ZC3H12B: variants seen among roughly 807,000 people sequenced by gnomAD.
ZC3H12B encodes the protein zinc finger CCCH-type containing 12B.
In ZC3H12B, 7 loss-of-function variants were observed where a neutral mutation model predicts 43.9. That is an observed-to-expected ratio of 0.16 (90% CI 0.09 to 0.30). The LOEUF (loss-of-function observed/expected upper bound fraction) is 0.30. Among genes scored for constraint, ZC3H12B ranks in the 10% least tolerant of loss-of-function variants. The probability of loss-of-function intolerance (pLI) is 1.00; values close to 1 mark genes in which losing one functional copy is unlikely to be tolerated. For missense variants in ZC3H12B, 475 were observed against 670.2 expected (o/e 0.71, Z 3.22); for synonymous variants, 222 against 241.7 (o/e 0.92, Z 0.76).
chrX:65,340,721 C>G, the ZC3H12B span, among the ~76,000 whole-genome samples: 2 of 112,181 alleles, frequency 1.8e-5, no homozygotes, highest in African/African-American at 6.5e-5. Context: ...ATAGCAACTT[C>G]AAGTATTGAA....
At chrX:65,470,954 G>A (rs1194594118) in intron 3 of ZC3H12B, among the ~76,000 whole-genome samples, 2 of 111,784 alleles carry the variant, frequency 1.8e-5, no homozygotes, top group Non-Finnish European at 3.8e-5. Context: ...CTATCATATG[G>A]TCTATACTGA....
chrX:65,249,258 T>C, the ZC3H12B span, among the ~76,000 whole-genome samples: 390 of 112,221 alleles, frequency 3.5e-3, no homozygotes, highest in African/African-American at 0.012. Flanking sequence ...CTGTGTAAGG[T>C]GAGAGATGAG....
chrX:65,202,101 T>TACATATAATATATA, the ZC3H12B span, among the ~76,000 whole-genome samples: 1,750 of 88,736 alleles, frequency 0.02, 345 homozygotes, highest in African/African-American at 0.071. Context: ...ATATATATAT[T>TACATATAATATATA]TTATATAATA....
At chrX:65,498,493 TAGG>T (rs1211761370) in intron 2 of ZC3H12B, among the ~76,000 whole-genome samples, 3 of 111,941 alleles carry the variant, frequency 2.7e-5, no homozygotes, top group Admixed American at 9.5e-5. Context: ...CCTCGGCAAC[TAGG>T]AGACCAAAAG....
chrX:65,389,315 C>T (rs1312600806), intron 2 of ZC3H12B, among the ~76,000 whole-genome samples: 2 of 112,090 alleles, frequency 1.8e-5, no homozygotes, highest in East Asian at 2.8e-4. Context: ...CTTTGTTTAC[C>T]TACTCAAGCC....
the ZC3H12B span, among the ~76,000 whole-genome samples, chrX:65,290,495 C>T: frequency 9.0e-6 from 1 of 110,900 alleles, no homozygotes; most frequent in African/African-American, 3.3e-5. Context: ...CTTAAGCAAT[C>T]CTACTACTGG....
chrX:65,126,432 C>G, the ZC3H12B span, among the ~76,000 whole-genome samples: 1 of 111,243 alleles, frequency 9.0e-6, no homozygotes, highest in Admixed American at 9.6e-5. Context: ...TTTCCTTCAT[C>G]TTGACTTTAG....
rs749354890 is a variant in ZC3H12B at position 65,499,960 on chromosome X, C to T, written c.1061C>T (p.Pro354Leu). ...TTCTTAAGAAAGAGACCCATTGTTCCTGAGCATAAGAAGCAACCATGTCCT... is the reference window on the plus strand; with the variant it reads ...TTCTTAAGAAAGAGACCCATTGTTCTTGAGCATAAGAAGCAACCATGTCCT... The change falls in exon 4 of 5, where the codon CCT becomes CTT. Residue 354 changes from proline (P) to leucine (L), a missense_variant. Transcript: ENST00000338957. The T allele has an allele frequency of 2.7e-5, 33 of 1,209,471 alleles. No homozygotes were observed. In the Admixed American group the frequency reaches 6.8e-4, roughly 25 times the overall value.
At chrX:65,325,005 C>A in the ZC3H12B span, among the ~76,000 whole-genome samples, 1 of 110,784 alleles carries the variant, frequency 9.0e-6, no homozygotes, top group African/African-American at 3.3e-5. Flanking sequence ...TGTATATATT[C>A]TTTTAACAAA....
At chrX:65,178,076 TAAAAC>T in the ZC3H12B span, among the ~76,000 whole-genome samples, 9 of 111,325 alleles carry the variant, frequency 8.1e-5, no homozygotes, top group South Asian at 7.5e-4. Context: ...CATAGACAAA[TAAAAC>T]AGAACAGAGG....
chrX:65,339,613 C>T, the ZC3H12B span, among the ~76,000 whole-genome samples: 6 of 111,798 alleles, frequency 5.4e-5, no homozygotes, highest in Middle Eastern at 4.6e-3. Context: ...AAATGTCAGA[C>T]CTGAACTCTA....
chrX:65,159,459 T>A, the ZC3H12B span, among the ~76,000 whole-genome samples: 1 of 111,814 alleles, frequency 8.9e-6, no homozygotes, highest in South Asian at 3.7e-4. Context: ...TGGTCTGTAG[T>A]TCTCCTTCAG....
the ZC3H12B span, among the ~76,000 whole-genome samples, chrX:65,202,132 TA>T: frequency 4.4e-4 from 30 of 68,444 alleles, 8 homozygotes; most frequent in African/African-American, 0.016. Flanking sequence ...GTAATATATA[TA>T]TTTTATATAA....
chrX:65,307,295 A>G, the ZC3H12B span, among the ~76,000 whole-genome samples: 3 of 112,196 alleles, frequency 2.7e-5, no homozygotes, highest in Admixed American at 1.9e-4. Context: ...AAAAGCAGAG[A>G]TATGTGTCCA....
the ZC3H12B span, among the ~76,000 whole-genome samples, chrX:65,098,775 G>A: frequency 1.8e-5 from 2 of 111,052 alleles, no homozygotes; most frequent in South Asian, 7.7e-4. Context: ...CATCACCAGG[G>A]CCCTGGGTTT....
intron 3 of ZC3H12B, among the ~76,000 whole-genome samples, chrX:65,406,828 C>A (rs2066834649): frequency 1.8e-5 from 2 of 112,658 alleles, no homozygotes; most frequent in Non-Finnish European, 3.8e-5. Context: ...CACGGCCGGG[C>A]GGGACCCGCG....
the ZC3H12B span, among the ~76,000 whole-genome samples, chrX:65,099,043 G>A: frequency 9.0e-6 from 1 of 111,329 alleles, no homozygotes; most frequent in Non-Finnish European, 1.9e-5. Flanking sequence ...GAGCATGGTG[G>A]GGGAGGGGTG....
the ZC3H12B span, among the ~76,000 whole-genome samples, chrX:65,058,887 A>G: frequency 4.5e-5 from 5 of 112,202 alleles, no homozygotes; most frequent in Non-Finnish European, 9.4e-5. Flanking sequence ...GGCGCGGGAT[A>G]TAATCTTCTG....
the ZC3H12B span, among the ~76,000 whole-genome samples, chrX:65,104,896 A>T: frequency 9.0e-3 from 1,008 of 111,699 alleles, 8 homozygotes; most frequent in Admixed American, 0.013. Context: ...CAGCAATCCC[A>T]TTACTGTGTA....
Sources: allele counts gnomAD v4.1 joint callset (sites outside exome capture counted in the v4.1 genomes callset), GRCh38; gene constraint gnomAD v4.1.1; transcripts MANE v1.5; gene names NCBI Gene and HGNC (gene_info 2026-07-23, HGNC 2026-07-21).